Variants in DENND1A observed in about 807,000 individuals in gnomAD.
The protein encoded by DENND1A is DENN domain-containing protein 1A.
A neutral mutation model predicts 113.7 loss-of-function variants in DENND1A; 51 were observed. The ratio of observed to expected loss-of-function variants is 0.45; its 90% confidence interval spans 0.36 to 0.57. The LOEUF (loss-of-function observed/expected upper bound fraction) is 0.57. DENND1A is among the 20% of genes least tolerant of loss of function. The pLI is 0.00. For synonymous variants in DENND1A, 565 were observed against 570.8 expected, an observed-to-expected ratio of 0.99 and a Z score of 0.14; for missense variants, 1,258 against 1,395.9, an observed-to-expected ratio of 0.90 and a Z score of 1.57.
In DENND1A at chr9:123,800,530, C is replaced by G. The variant is rs150660545; in HGVS notation, c.89-7900G>C. 9.4e-3 allele frequency among the ~76,000 whole-genome samples: 1,435 copies of G among 152,338 alleles called. 22 individuals carry two copies. The highest frequency in any genetic ancestry group is 0.014 in the Non-Finnish European group (958 of 68,030). On this transcript the variant is annotated intron_variant, in intron 2 of 23. Transcript: ENST00000394215. ...CCATCAGGCCCCAAAGAATCCAACA[C>G]TGGCTTTTCTTTTTGGCTTTATTTA...
At position 123,397,849 on chromosome 9, in the gene DENND1A, G is replaced by C. The variant is rs755283281; in HGVS notation, c.1631+5553C>G. Among the ~76,000 whole-genome samples, 13 of 152,332 alleles carry C rather than the reference G, an allele frequency of 8.5e-5. 1 individual carries two copies. The highest frequency in any genetic ancestry group is 1.3e-4 in the Non-Finnish European group (9 of 68,032). ...ATTTTGCACGGATCTGGCCAGAGAA[G>C]TGAGCTGGGCAGCAGCCCTGGGCCC... On this transcript the variant is annotated intron_variant, in intron 21 of 23. Coordinates refer to ENST00000394215, the MANE Select transcript of DENND1A (RefSeq NM_001352964.2).
chr9:123,407,694 G>A (rs916218304), intron 20 of DENND1A, among the ~76,000 whole-genome samples: 1 of 152,202 alleles, frequency 6.6e-6, no homozygotes, highest in Non-Finnish European at 1.5e-5. Context: ...CGTCCGGGGA[G>A]AAAATGCTAA....
At chr9:123,571,707 T>C (rs1021475476) in intron 12 of DENND1A, among the ~76,000 whole-genome samples, 2 of 152,230 alleles carry the variant, frequency 1.3e-5, no homozygotes, top group Non-Finnish European at 2.9e-5. Context: ...TACCATTTGA[T>C]AGACATTTCG....
chr9:123,398,365 C>CTTTTT (rs903949693), intron 21 of DENND1A, among the ~76,000 whole-genome samples: 2 of 150,336 alleles, frequency 1.3e-5, no homozygotes, highest in Non-Finnish European at 3.0e-5. Flanking sequence ...CTGCCATTGG[C>CTTTTT]TTTTTTTTTT....
chr9:123,634,849 C>T (rs143887695), intron 9 of DENND1A, among the ~76,000 whole-genome samples: 76 of 152,350 alleles, frequency 5.0e-4, no homozygotes, highest in African/African-American at 1.8e-3. Flanking sequence ...ACAAATTATA[C>T]AGCCAACAGC....
At position 123,457,851 on chromosome 9, in the gene DENND1A, C is replaced by A. The variant is rs200424404; in HGVS notation, c.1040G>T (p.Arg347Leu). The A allele has an allele frequency of 8.1e-6, 13 of 1,612,690 alleles. No homozygotes were observed. The highest frequency in any genetic ancestry group is 9.3e-6 in the Non-Finnish European group (11 of 1,179,418). ...CAGGAACTGCCTCATGGCTCCGGAG[C>A]GGTAGTGGGACACGAAGGCTTCCTC... ...FCEEAFVSHYRSGAMRQFLQN... is the reference protein window; with the variant it reads ...FCEEAFVSHYLSGAMRQFLQN... Residue 347 changes from arginine (R) to leucine (L), a missense_variant, in exon 14 of 24, where the codon CGC (arginine) becomes CTC (leucine). Around this residue, in one of 2 missense-constraint regions of DENND1A, gnomAD observed 1,159 missense variants for 1,231.7 expected, o/e 0.94. Transcript: ENST00000394215.
chr9:123,601,880 T>C (rs779830005), intron 11 of DENND1A, among the ~76,000 whole-genome samples: 5 of 152,210 alleles, frequency 3.3e-5, no homozygotes, highest in Admixed American at 6.5e-5. Flanking sequence ...TGGAGGAATA[T>C]GGGGCCACCA....
chr9:123,501,997 C>T (rs1225784573), intron 13 of DENND1A, among the ~76,000 whole-genome samples: 4 of 152,166 alleles, frequency 2.6e-5, no homozygotes, highest in Non-Finnish European at 4.4e-5. Context: ...ATATATATCT[C>T]TCCTATTGGT....
chr9:123,810,562 A>C (rs1029709176), intron 2 of DENND1A, among the ~76,000 whole-genome samples: 8 of 151,160 alleles, frequency 5.3e-5, no homozygotes, highest in South Asian at 4.2e-4. Flanking sequence ...AAAAAAAAAA[A>C]AAAAAAACAA....
intron 5 of DENND1A, among the ~76,000 whole-genome samples, chr9:123,695,510 T>A (rs1219514673): frequency 6.6e-6 from 1 of 152,106 alleles, no homozygotes; most frequent in Non-Finnish European, 1.5e-5. Context: ...CCTATTAGTG[T>A]GTCCCTCTAG....
At chr9:123,880,269 T>A (rs1588061003) in intron 1 of DENND1A, among the ~76,000 whole-genome samples, 1 of 152,292 alleles carries the variant, frequency 6.6e-6, no homozygotes, top group African/African-American at 2.4e-5. Context: ...CGCCTTGGCC[T>A]CCCAAAGTGC....
chr9:123,743,525 G>T (rs1352002219), intron 5 of DENND1A, among the ~76,000 whole-genome samples: 1 of 151,702 alleles, frequency 6.6e-6, no homozygotes, highest in Non-Finnish European at 1.5e-5. Context: ...TGAGGTCAGG[G>T]GTTTGAGACC....
At position 123,794,627 on chromosome 9, in the gene DENND1A, G is replaced by T. The variant is rs1180200345; in HGVS notation, c.89-1997C>A. Among the ~76,000 whole-genome samples, 3 of 152,220 alleles carry T rather than the reference G, an allele frequency of 2.0e-5. No homozygotes were observed. The East Asian group carries it at 5.8e-4, about 29-fold the overall frequency. On this transcript the variant is annotated intron_variant, in intron 2 of 23. Coordinates refer to ENST00000394215, the MANE Select transcript of DENND1A (RefSeq NM_001352964.2). Reference sequence around the variant, plus strand: ...AAGACTACTTTTCTATCACCATTTTGTGAAAGACTATATGTCCGAAACCAA... The same window carrying T: ...AAGACTACTTTTCTATCACCATTTTTTGAAAGACTATATGTCCGAAACCAA...
intron 13 of DENND1A, among the ~76,000 whole-genome samples, chr9:123,514,233 C>A (rs2053706696): frequency 6.6e-6 from 1 of 151,928 alleles, no homozygotes; most frequent in Non-Finnish European, 1.5e-5. Context: ...GAGGAATGCA[C>A]CACATGGAAT....
At chr9:123,883,570 C>A (rs1425060032) in intron 1 of DENND1A, among the ~76,000 whole-genome samples, 1 of 152,148 alleles carries the variant, frequency 6.6e-6, no homozygotes, top group East Asian at 1.9e-4. Context: ...GACCCGTGAC[C>A]ATACTTTAAG....
rs183433444 is a variant in DENND1A, at chr9:123,793,709, T to A, written c.89-1079A>T. On this transcript the variant is annotated intron_variant, in intron 2 of 23. Coordinates refer to ENST00000394215, the MANE Select transcript of DENND1A (RefSeq NM_001352964.2). Reference sequence around the variant, plus strand: ...TGCAGTCCATTTCTTCAGTGAATAATCAAGAAGGGAAAAAACTAAGGGCCT... The same window carrying A: ...TGCAGTCCATTTCTTCAGTGAATAAACAAGAAGGGAAAAAACTAAGGGCCT... Among the ~76,000 whole-genome samples, 1,290 of 152,180 alleles carry A rather than the reference T, an allele frequency of 8.5e-3. 11 individuals carry two copies. The highest frequency in any genetic ancestry group is 0.018 in the Admixed American group (277 of 15,294).
chr9:123,681,379 C>G (rs1426024126), intron 5 of DENND1A, among the ~76,000 whole-genome samples: 1 of 151,848 alleles, frequency 6.6e-6, no homozygotes, highest in African/African-American at 2.4e-5. Flanking sequence ...GAATGCTGTC[C>G]GTGATAGGAA....
intron 19 of DENND1A, among the ~76,000 whole-genome samples, chr9:123,426,707 T>C (rs1227506887): frequency 6.6e-6 from 1 of 152,352 alleles, no homozygotes. Flanking sequence ...TGTATTTTAG[T>C]TGAGCTTTTC....
chr9:123,780,216 G>A (rs545207469), intron 3 of DENND1A, among the ~76,000 whole-genome samples: 1 of 152,278 alleles, frequency 6.6e-6, no homozygotes, highest in East Asian at 1.9e-4. Context: ...AGGACTTAGA[G>A]GCTATTCTCA....
Sources: gnomAD v4.1 joint callset for allele counts (sites outside exome capture counted in the v4.1 genomes callset) on GRCh38, gnomAD v4.1.1 for gene constraint, gnomAD v4.1.1 regional missense constraint, MANE v1.5 for transcripts, NCBI Gene and HGNC (gene_info 2026-07-23, HGNC 2026-07-21) for gene names.